KLRG1: variants seen among roughly 807,000 people sequenced by gnomAD.
KLRG1 encodes killer cell lectin like receptor G1, also known as killer cell lectin-like receptor subfamily G member 1.
A neutral mutation model predicts 21.8 loss-of-function variants in KLRG1; 16 were observed. The observed-to-expected ratio is 0.73, with a 90% CI of 0.50 to 1.11. The LOEUF (loss-of-function observed/expected upper bound fraction) is 1.11, where lower values mean the gene tolerates loss of function less well. KLRG1 is among the 50% of genes most tolerant of loss of function. The probability of loss-of-function intolerance (pLI) is 0.00; values close to 1 mark genes in which losing one functional copy is unlikely to be tolerated. For synonymous variants in KLRG1, 69 were observed against 75.9 expected (o/e 0.91, Z 0.47); for missense variants, 173 against 218.3 (o/e 0.79, Z 1.31).
the KLRG1 span, chr12:9,090,425 G>C: frequency 6.2e-7 from 1 of 1,614,034 alleles, no homozygotes; most frequent in Non-Finnish European, 8.5e-7. Context: ...TGAGGCGCTT[G>C]TTCCTTCTCC....
chr12:9,079,784 T>A, the KLRG1 span: 2 of 1,612,164 alleles, frequency 1.2e-6, no homozygotes, highest in Non-Finnish European at 1.7e-6. Context: ...GAAGATTTTG[T>A]GTGTTTTGCA....
At chr12:8,978,447 A>G (rs919174089) in intron 1 of KLRG1, among the ~76,000 whole-genome samples, 2 of 152,224 alleles carry the variant, frequency 1.3e-5, no homozygotes, top group African/African-American at 4.8e-5. Context: ...AAGTCCTGGA[A>G]TTACAGACAT....
At chr12:9,025,465 C>T in the KLRG1 span, among the ~76,000 whole-genome samples, 2,014 of 152,112 alleles carry the variant, frequency 0.013, 38 homozygotes, top group African/African-American at 0.042. Context: ...GGTGAAACCC[C>T]GTCTCTACTA....
the KLRG1 span, among the ~76,000 whole-genome samples, chr12:9,111,365 T>C: frequency 1.3e-5 from 2 of 152,194 alleles, no homozygotes; most frequent in African/African-American, 2.4e-5. Context: ...CAAGTTAGGC[T>C]GACAGAGTGA....
At chr12:9,204,906 A>G in the KLRG1 span, among the ~76,000 whole-genome samples, 52,070 of 151,820 alleles carry the variant, frequency 0.34, 8,916 homozygotes, top group East Asian at 0.44. Context: ...AACAGCCTGC[A>G]CAACATTGTG....
At chr12:9,049,650 GTTTATT>G in the KLRG1 span, among the ~76,000 whole-genome samples, 2 of 152,098 alleles carry the variant, frequency 1.3e-5, no homozygotes, top group South Asian at 2.1e-4. Context: ...CATTGCCTAA[GTTTATT>G]TTTATTTTTA....
chr12:9,117,876 G>C, the KLRG1 span, among the ~76,000 whole-genome samples: 1 of 152,050 alleles, frequency 6.6e-6, no homozygotes, highest in East Asian at 1.9e-4. Context: ...AATTGTTAAT[G>C]ATATCTTAAA....
the KLRG1 span, among the ~76,000 whole-genome samples, chr12:9,071,610 T>G: frequency 6.6e-6 from 1 of 152,142 alleles, no homozygotes; most frequent in Admixed American, 6.5e-5. Context: ...AACCCTCAAG[T>G]AGGCTCTGGT....
At chr12:9,042,798 A>G in the KLRG1 span, among the ~76,000 whole-genome samples, 1 of 152,170 alleles carries the variant, frequency 6.6e-6, no homozygotes, top group African/African-American at 2.4e-5. Context: ...TTTGATATTG[A>G]CCAGCAAATA....
chr12:9,176,326 A>G, the KLRG1 span, among the ~76,000 whole-genome samples: 1 of 152,174 alleles, frequency 6.6e-6, no homozygotes, highest in East Asian at 1.9e-4. Flanking sequence ...GGAGAGCATC[A>G]AGAAGAATAA....
the KLRG1 span, among the ~76,000 whole-genome samples, chr12:9,187,564 C>A: frequency 6.6e-6 from 1 of 152,144 alleles, no homozygotes; most frequent in Non-Finnish European, 1.5e-5. Flanking sequence ...AATTAAACAA[C>A]CTGCTCCTGC....
the KLRG1 span, among the ~76,000 whole-genome samples, chr12:9,094,537 C>T: frequency 2.6e-5 from 4 of 151,856 alleles, no homozygotes; most frequent in African/African-American, 9.7e-5. Flanking sequence ...TCTCTGTACT[C>T]AACTTATCCT....
the KLRG1 span, among the ~76,000 whole-genome samples, chr12:9,126,978 C>T: frequency 3.9e-5 from 6 of 152,308 alleles, no homozygotes; most frequent in South Asian, 2.1e-4. Flanking sequence ...CCTTGTCCCG[C>T]GGTCTATGAG....
the KLRG1 span, among the ~76,000 whole-genome samples, chr12:9,177,541 A>C: frequency 6.6e-6 from 1 of 152,242 alleles, no homozygotes; most frequent in Non-Finnish European, 1.5e-5. Context: ...GGTTTTGAAG[A>C]AAATTGTTAT....
chr12:9,188,636 C>A, the KLRG1 span, among the ~76,000 whole-genome samples: 2 of 152,124 alleles, frequency 1.3e-5, no homozygotes, highest in Admixed American at 6.6e-5. Context: ...ATAGTGTTGG[C>A]CCCAAAGCTC....
chr12:9,095,231 C>A, the KLRG1 span: 1 of 529,236 alleles, frequency 1.9e-6, no homozygotes, highest in East Asian at 3.2e-5. Context: ...TATTTATATA[C>A]TTAAGGATGT....
the KLRG1 span, among the ~76,000 whole-genome samples, chr12:9,206,123 A>G: frequency 1.3e-5 from 2 of 152,148 alleles, no homozygotes; most frequent in African/African-American, 2.4e-5. Context: ...TTTTTCTGGT[A>G]TCTGGATGCT....
chr12:9,195,278 C>T, the KLRG1 span, among the ~76,000 whole-genome samples: 7 of 151,944 alleles, frequency 4.6e-5, no homozygotes, highest in Non-Finnish European at 5.9e-5. Flanking sequence ...ATTTGGTGTA[C>T]GATAATTATT....
the KLRG1 span, among the ~76,000 whole-genome samples, chr12:9,183,976 C>A: frequency 6.6e-6 from 1 of 152,160 alleles, no homozygotes; most frequent in African/African-American, 2.4e-5. Context: ...ATAAGCTCCC[C>A]TTCTAAAAGG....
Sources: gnomAD v4.1 joint callset for allele counts (sites outside exome capture counted in the v4.1 genomes callset) on GRCh38, gnomAD v4.1.1 for gene constraint, MANE v1.5 for transcripts, NCBI Gene and HGNC (gene_info 2026-07-23, HGNC 2026-07-21) for gene names.